Variants in EIF4B observed in about 807,000 individuals in gnomAD.
The protein encoded by EIF4B is eukaryotic translation initiation factor 4B.
In EIF4B, 8 loss-of-function variants were observed where a neutral mutation model predicts 79.3. That is an observed-to-expected ratio of 0.10 (90% CI 0.06 to 0.18). The LOEUF (loss-of-function observed/expected upper bound fraction) is 0.18, where lower values mean the gene tolerates loss of function less well. Among genes scored for constraint, EIF4B ranks in the 10% least tolerant of loss-of-function variants. The pLI is 1.00. For missense variants in EIF4B, 515 were observed against 792.4 expected, an observed-to-expected ratio of 0.65 and a Z score of 4.20; for synonymous variants, 238 against 274.7, an observed-to-expected ratio of 0.87 and a Z score of 1.32.
intron 8 of EIF4B, among the ~76,000 whole-genome samples, chr12:53,029,852 CCTT>C (rs1403711958): frequency 2.0e-5 from 3 of 152,090 alleles, no homozygotes; most frequent in Non-Finnish European, 4.4e-5. Context: ...TGAGGTCTTT[CCTT>C]CTCCCTCAGA....
chr12:53,041,056 C>CT lies in EIF4B; in HGVS notation c.*834dup, dbSNP rs1316933612. 2.6e-5 allele frequency: 4 copies of CT among 152,188 alleles called. No homozygotes were observed. In the South Asian group the frequency reaches 8.3e-4, roughly 32 times the overall value. 9.4% of individuals were successfully genotyped at this position (152,188 alleles called of 1,614,324 possible). Reference sequence around the variant, plus strand: ...GTCCTAGTTTTACCCTTTCTAAACACTGTCCTTTTTGAAAGTTTTGAATAT... The same window carrying CT: ...GTCCTAGTTTTACCCTTTCTAAACACTTGTCCTTTTTGAAAGTTTTGAATAT... On this transcript the variant is annotated 3_prime_UTR_variant, in exon 15 of 15. Coordinates refer to ENST00000262056, the MANE Select transcript of EIF4B (RefSeq NM_001417.7).
intron 1 of EIF4B, among the ~76,000 whole-genome samples, chr12:53,008,906 G>A (rs1943014860): frequency 6.6e-6 from 1 of 151,896 alleles, no homozygotes; most frequent in Non-Finnish European, 1.5e-5. Flanking sequence ...GTGGTGTCGC[G>A]TGCTTGTAAT....
At chr12:53,023,546 T>C (rs1324989619) in intron 6 of EIF4B, among the ~76,000 whole-genome samples, 1 of 151,246 alleles carries the variant, frequency 6.6e-6, no homozygotes, top group Non-Finnish European at 1.5e-5. Flanking sequence ...GTTGCATTAC[T>C]ATATGCTTGT....
chr12:53,030,410 A>ATTTTTTTTTTTTTTTTTTTT (rs1555153412), intron 8 of EIF4B, among the ~76,000 whole-genome samples: 50 of 34,162 alleles, frequency 1.5e-3, no homozygotes, highest in Non-Finnish European at 3.7e-3. Flanking sequence ...AAAAAATTAT[A>ATTTTTTTTTTTTTTTTTTTT]TTCTTTTTTT....
intron 2 of EIF4B, 122 bp from the exon 3 acceptor site, chr12:53,018,676 T>C: frequency 9.3e-7 from 1 of 1,077,096 alleles, no homozygotes; most frequent in Non-Finnish European, 1.4e-6. Flanking sequence ...ACCCCCACTT[T>C]TTTTGGTCTG....
At chr12:53,027,136 AATTTT>A (rs1249520246) in intron 6 of EIF4B, among the ~76,000 whole-genome samples, 4 of 29,444 alleles carry the variant, frequency 1.4e-4, no homozygotes, top group South Asian at 1.5e-3. Context: ...AAAAAAAAAA[AATTTT>A]TTTTTTTTTT....
intron 1 of EIF4B, among the ~76,000 whole-genome samples, chr12:53,013,124 A>C (rs1459607042): frequency 2.0e-5 from 3 of 152,268 alleles, no homozygotes; most frequent in African/African-American, 7.2e-5. Context: ...AAGTTGATTT[A>C]AGCCAAATCG....
chr12:53,023,374 AG>A (rs1158326421), intron 6 of EIF4B, among the ~76,000 whole-genome samples: 1 of 151,994 alleles, frequency 6.6e-6, no homozygotes, highest in Non-Finnish European at 1.5e-5. Context: ...CTGGGACTAC[AG>A]GCGCGCGCCA....
rs1259893090 is a variant in EIF4B, at chr12:53,027,891, T to C, written c.777T>C (p.Asp259=). Residue 259 remains aspartate, a synonymous_variant, in exon 7 of 15, where the codon GAT becomes GAC. Coordinates refer to ENST00000262056, the MANE Select transcript of EIF4B (RefSeq NM_001417.7). ...MDRYGGRDRY[D]DRGSRDYDRG... ...GATATGGTGGCCGGGATCGCTATGA[T>C]GACCGAGGCAGCAGAGACTATGATA... The C allele has an allele frequency of 6.2e-7, 1 of 1,614,244 alleles. No homozygotes were observed. The highest frequency in any genetic ancestry group is 8.5e-7 in the Non-Finnish European group (1 of 1,180,048).
At chr12:53,027,611 C>A (rs542064507) in intron 6 of EIF4B, among the ~76,000 whole-genome samples, 171 bp from the exon 7 acceptor site, 28 of 152,252 alleles carry the variant, frequency 1.8e-4, no homozygotes, top group African/African-American at 6.7e-4. Context: ...TCCAACCCAC[C>A]CTTCCCAAAT....
At chr12:53,017,670 T>C (rs1378580134) in intron 2 of EIF4B, among the ~76,000 whole-genome samples, 1 of 152,218 alleles carries the variant, frequency 6.6e-6, no homozygotes, top group African/African-American at 2.4e-5. Flanking sequence ...CTCTGCTCAC[T>C]GCAACATCTG....
At chr12:53,039,197 T>A (rs746935422) in intron 12 of EIF4B, 41 bp from the exon 13 acceptor site, 2 of 1,430,788 alleles carry the variant, frequency 1.4e-6, no homozygotes, top group Non-Finnish European at 1.9e-6. Flanking sequence ...ACATTGATAC[T>A]TTTACTTGCC....
chr12:53,013,671 C>T (rs1158262302), intron 1 of EIF4B: 1 of 152,006 alleles, frequency 6.6e-6, no homozygotes, highest in Non-Finnish European at 1.5e-5. Flanking sequence ...CCTGTAATCC[C>T]AGTTACTCAG....
chr12:53,033,424 C>A (rs1399481374), intron 8 of EIF4B, among the ~76,000 whole-genome samples: 3 of 151,372 alleles, frequency 2.0e-5, no homozygotes, highest in Non-Finnish European at 2.9e-5. Context: ...CTCACTGCAA[C>A]CTCTGCCTCC....
chr12:53,017,827 A>T (rs146010164), intron 2 of EIF4B, among the ~76,000 whole-genome samples: 22 of 152,206 alleles, frequency 1.4e-4, no homozygotes, highest in African/African-American at 5.3e-4. Context: ...TCCTGACCTC[A>T]TGACCCACCT....
intron 1 of EIF4B, among the ~76,000 whole-genome samples, chr12:53,012,486 G>A (rs1299780703): frequency 1.3e-5 from 2 of 151,536 alleles, no homozygotes; most frequent in African/African-American, 2.4e-5. Flanking sequence ...CCCGGGAGGC[G>A]GAGGTTTCGG....
At chr12:53,028,610 C>T (rs1346779122) in intron 8 of EIF4B, among the ~76,000 whole-genome samples, 2 of 150,178 alleles carry the variant, frequency 1.3e-5, no homozygotes, top group East Asian at 3.9e-4. Flanking sequence ...ACACAGCAGT[C>T]GAATTGTTTT....
At chr12:53,029,919 GT>G (rs200386716) in intron 8 of EIF4B, among the ~76,000 whole-genome samples, 13 of 51,454 alleles carry the variant, frequency 2.5e-4, no homozygotes, top group African/African-American at 4.6e-4. Context: ...TTCAATGTTT[GT>G]TTTTTTTAAA....
chr12:53,039,237 G>A lies in EIF4B; in HGVS notation c.1577-1G>A. 1 of 1,600,300 alleles carries A rather than the reference G, an allele frequency of 6.2e-7. No individual in the cohort carries two copies. The highest frequency in any genetic ancestry group is 8.5e-7 in the Non-Finnish European group (1 of 1,171,268). The stretch of plus-strand genomic sequence containing the variant: ...ATTTGTTTACATTACTGCCCAAGCA[G>A]ATGAAAATAAAGTAGATGGGATGAA... On this transcript the variant is annotated splice_acceptor_variant, in intron 12 of 14. Coordinates refer to ENST00000262056, the MANE Select transcript of EIF4B (RefSeq NM_001417.7). LOFTEE classifies it high-confidence loss of function.
Sources: gnomAD v4.1 joint callset for allele counts (sites outside exome capture counted in the v4.1 genomes callset) on GRCh38, gnomAD v4.1.1 for gene constraint, MANE v1.5 for transcripts, NCBI Gene and HGNC (gene_info 2026-07-23, HGNC 2026-07-21) for gene names.